The following NTN1 variants were observed in gnomAD, a reference collection of about 807,000 sequenced individuals.
NTN1 encodes the protein netrin 1.
NTN1 carries 11 observed loss-of-function variants against 54.2 expected under a neutral mutation model. The observed-to-expected ratio is 0.20, with a 90% CI of 0.13 to 0.34. The LOEUF (loss-of-function observed/expected upper bound fraction) is 0.34, where lower values mean the gene tolerates loss of function less well. Among genes scored for constraint, NTN1 ranks in the 10% least tolerant of loss-of-function variants. The pLI, the probability that NTN1 is intolerant of heterozygous loss-of-function variation, is 1.00. For synonymous variants in NTN1, 371 were observed against 382.0 expected, an observed-to-expected ratio of 0.97 and a Z score of 0.33; for missense variants, 740 against 893.1, an observed-to-expected ratio of 0.83 and a Z score of 2.18.
At chr17:9,172,122 A>G (rs2092388612) in intron 3 of NTN1, among the ~76,000 whole-genome samples, 1 of 152,018 alleles carries the variant, frequency 6.6e-6, no homozygotes, top group Admixed American at 6.5e-5. Flanking sequence ...TCCCAACCTC[A>G]GGTGATCCGC....
intron 2 of NTN1, among the ~76,000 whole-genome samples, chr17:9,152,207 A>G (rs530377687): frequency 5.3e-5 from 8 of 152,310 alleles, no homozygotes; most frequent in Admixed American, 3.9e-4. Flanking sequence ...CCACGGCTTC[A>G]TTCTTGAAGT....
chr17:9,139,238 A>ATC (rs1052352944), intron 2 of NTN1, among the ~76,000 whole-genome samples: 5 of 152,078 alleles, frequency 3.3e-5, no homozygotes, highest in African/African-American at 1.2e-4. Flanking sequence ...CAGCTTTCTG[A>ATC]TCAGACAATA....
chr17:9,143,232 C>T (rs1482844429), intron 2 of NTN1, among the ~76,000 whole-genome samples: 1 of 152,196 alleles, frequency 6.6e-6, no homozygotes, highest in Non-Finnish European at 1.5e-5. Context: ...AGCCCGGGGC[C>T]TTGGCCTGGA....
upstream of NTN1, chr17:9,021,479 C>A (rs1043565489): frequency 2.0e-5 from 3 of 150,974 alleles, no homozygotes; most frequent in South Asian, 2.0e-4. Context: ...GGCGGCCCCG[C>A]CCCCCGCCCC....
At chr17:9,105,919 A>T (rs1161537164) in intron 2 of NTN1, among the ~76,000 whole-genome samples, 1 of 152,110 alleles carries the variant, frequency 6.6e-6, no homozygotes, top group Non-Finnish European at 1.5e-5. Context: ...CGATTTAAAA[A>T]AAAAAAGAAA....
intron 2 of NTN1, among the ~76,000 whole-genome samples, chr17:9,055,309 C>G (rs185568204): frequency 6.6e-6 from 1 of 152,322 alleles, no homozygotes; most frequent in African/African-American, 2.4e-5. Context: ...GAATGCTAAC[C>G]GCTGCCTGCA....
At chr17:9,203,164 G>A (rs529066204) in intron 5 of NTN1, among the ~76,000 whole-genome samples, 10 of 152,122 alleles carry the variant, frequency 6.6e-5, no homozygotes, top group Admixed American at 1.3e-4. Flanking sequence ...CTCGTGATCC[G>A]CCTGCCTTGG....
chr17:9,182,957 G>A lies in NTN1; in HGVS notation c.1399G>A (p.Glu467Lys), dbSNP rs1224906376. The change falls in exon 5 of 7, where the codon GAG (glutamate) becomes AAG (lysine). Residue 467 changes from glutamate to lysine, a missense_variant. Coordinates refer to ENST00000173229, the MANE Select transcript of NTN1 (RefSeq NM_004822.3). ...GCCGACGACTGCAGCCAGCAGCGTG[G>A]AGGAGCCTGAAGGTAAACGGCCCCC... ...APPTTAASSV[E>K]EPEDCDSYCK... The A allele has an allele frequency of 6.2e-7, 1 of 1,613,922 alleles. No homozygotes were observed. The highest frequency in any genetic ancestry group is 8.5e-7 in the Non-Finnish European group (1 of 1,179,958).
chr17:9,125,023 A>G (rs764507823), intron 2 of NTN1, among the ~76,000 whole-genome samples: 1 of 152,130 alleles, frequency 6.6e-6, no homozygotes, highest in Non-Finnish European at 1.5e-5. Flanking sequence ...TTTCTTTTGT[A>G]TACTTCTAGC....
chr17:9,035,336 A>G (rs2151511301), intron 2 of NTN1, among the ~76,000 whole-genome samples: 1 of 152,326 alleles, frequency 6.6e-6, no homozygotes. Flanking sequence ...ATCCATGTAT[A>G]GTAGTAGTTT....
At chr17:9,110,235 G>A (rs557962043) in intron 2 of NTN1, among the ~76,000 whole-genome samples, 15 of 151,238 alleles carry the variant, frequency 9.9e-5, no homozygotes, top group African/African-American at 3.6e-4. Flanking sequence ...GAGGTGGGGT[G>A]AGCAGAATTT....
At chr17:9,104,351 T>G (rs1241946087) in intron 2 of NTN1, among the ~76,000 whole-genome samples, 2 of 152,184 alleles carry the variant, frequency 1.3e-5, no homozygotes, top group Non-Finnish European at 2.9e-5. Flanking sequence ...ATGGTTAAGG[T>G]GGTAAATTTC....
rs767706132 is a variant in NTN1 at position 9,179,881 on chromosome 17, G to A, written c.1282G>A (p.Gly428Ser). 2.5e-6 allele frequency: 4 copies of A among 1,614,080 alleles called. No individual in the cohort carries two copies. The highest frequency in any genetic ancestry group is 2.2e-5 in the East Asian group (1 of 44,882). ...CACCGGCCAGTGTCCCTGCAAGGAC[G>A]GCGTGACGGGTATCACCTGCAACCG... Reference protein sequence around the residue: ...QTTGQCPCKDGVTGITCNRCA... With the variant: ...QTTGQCPCKDSVTGITCNRCA... Residue 428 changes from glycine to serine, a missense_variant, in exon 4 of 7, where the codon GGC becomes AGC. Transcript: ENST00000173229.
chr17:9,037,060 G>A (rs2151511888), intron 2 of NTN1, among the ~76,000 whole-genome samples: 1 of 152,312 alleles, frequency 6.6e-6, no homozygotes, highest in South Asian at 2.1e-4. Flanking sequence ...TTTTCACAAA[G>A]TGAGCTCACC....
At chr17:9,201,936 C>T (rs1164368643) in intron 5 of NTN1, among the ~76,000 whole-genome samples, 2 of 150,360 alleles carry the variant, frequency 1.3e-5, no homozygotes, top group East Asian at 3.9e-4. Flanking sequence ...GCTTGTAATC[C>T]TAGCACTTTG....
At position 9,210,403 on chromosome 17, in the gene NTN1, C is replaced by G. The variant is rs1156959270; in HGVS notation, c.1412-10765C>G. Reference sequence around the variant, plus strand: ...CAGGGAGAGGATGAAACCTCACACACACAGGCACATGTGCGTGCACACACA... The same window carrying G: ...CAGGGAGAGGATGAAACCTCACACAGACAGGCACATGTGCGTGCACACACA... On this transcript the variant is annotated intron_variant, in intron 5 of 6. Transcript: ENST00000173229. 2.0e-5 allele frequency among the ~76,000 whole-genome samples: 3 copies of G among 150,242 alleles called. No individual in the cohort carries two copies. In the East Asian group the frequency reaches 5.9e-4, roughly 30 times the overall value.
chr17:9,015,081 G>C, the NTN1 span, among the ~76,000 whole-genome samples: 1 of 152,134 alleles, frequency 6.6e-6, no homozygotes, highest in Non-Finnish European at 1.5e-5. Flanking sequence ...TAGATGCTTG[G>C]CACACAGTAA....
At chr17:9,155,095 C>T (rs960743813) in intron 2 of NTN1, among the ~76,000 whole-genome samples, 2 of 152,210 alleles carry the variant, frequency 1.3e-5, no homozygotes, top group African/African-American at 2.4e-5. Context: ...GTCCTCTCCC[C>T]GTTGTTCCAG....
chr17:9,199,256 C>A (rs898851327), intron 5 of NTN1, among the ~76,000 whole-genome samples: 10 of 152,240 alleles, frequency 6.6e-5, no homozygotes, highest in Non-Finnish European at 1.3e-4. Flanking sequence ...AATTCTCCTG[C>A]CTCAGCCTCC....
Sources: gnomAD v4.1 joint callset for allele counts (sites outside exome capture counted in the v4.1 genomes callset) on GRCh38, gnomAD v4.1.1 for gene constraint, MANE v1.5 for transcripts, NCBI Gene and HGNC (gene_info 2026-07-23, HGNC 2026-07-21) for gene names.